CTR9: variants seen among roughly 807,000 people sequenced by gnomAD.
The protein encoded by CTR9 is CTR9 component of Paf1/RNA polymerase II complex.
CTR9 carries 41 observed loss-of-function variants against 152.1 expected under a neutral mutation model. The ratio of observed to expected loss-of-function variants is 0.27; its 90% CI spans 0.21 to 0.35. The LOEUF (loss-of-function observed/expected upper bound fraction) is 0.35. Among genes scored for constraint, CTR9 ranks in the 10% least tolerant of loss-of-function variants. CTR9 has a pLI of 1.00. For missense variants in CTR9, 917 were observed against 1,424.4 expected (o/e 0.64, Z 5.73); for synonymous variants, 476 against 496.2 (o/e 0.96, Z 0.54).
At chr11:10,768,925 G>T (rs565162071) in intron 16 of CTR9, among the ~76,000 whole-genome samples, 27 of 152,248 alleles carry the variant, frequency 1.8e-4, no homozygotes, top group Non-Finnish European at 3.4e-4. Context: ...TTATTTAAAA[G>T]AAAACAGGCC....
At chr11:10,776,010 A>G (rs1160654558) in intron 24 of CTR9, among the ~76,000 whole-genome samples, 1 of 152,336 alleles carries the variant, frequency 6.6e-6, no homozygotes, top group East Asian at 1.9e-4. Context: ...CTGTTGACAC[A>G]CTAAAAGTGT....
rs1467244856 is a variant in CTR9 at position 10,770,345 on chromosome 11, A to G, written c.2226+19A>G. 5 of 1,600,882 alleles carry G rather than the reference A, an allele frequency of 3.1e-6. No homozygotes were observed. Among genetic ancestry groups the G allele is most frequent in the Middle Eastern group, 1.7e-4 (1 of 6,030 alleles). On this transcript the variant is annotated intron_variant, in intron 17 of 24. Transcript: ENST00000361367. ...GCTGAAGGTAAAAAGGAGAGATGTTATTCCCATCCATTTCTGTGCTACATT... is the reference window on the plus strand; with the variant it reads ...GCTGAAGGTAAAAAGGAGAGATGTTGTTCCCATCCATTTCTGTGCTACATT...
Position 10,751,295 on chromosome 11 carries a change from G to A in CTR9, c.-118G>A, listed in dbSNP as rs947842578. On this transcript the variant is annotated 5_prime_UTR_variant, in exon 1 of 25. Transcript: ENST00000361367. ...GAGAAGCCAGAGCTCCAGCGGCGCC[G>A]CGGGGCGGCAGTCAAGACCAGAGCC... 121 of 1,082,272 alleles carry A rather than the reference G, an allele frequency of 1.1e-4. No individual in the cohort carries two copies. Among genetic ancestry groups the A allele is most frequent in the Non-Finnish European group, 1.5e-4 (109 of 722,626 alleles). 67.0% of individuals were successfully genotyped at this position (1,082,272 alleles called of 1,614,324 possible). A position where few individuals can be genotyped will look rare whatever the true frequency, so the allele number is the denominator to read the frequency against.
chr11:10,758,491 C>G (rs893813781), intron 5 of CTR9, among the ~76,000 whole-genome samples: 2 of 152,108 alleles, frequency 1.3e-5, no homozygotes, highest in African/African-American at 4.8e-5. Context: ...AAGATAACTC[C>G]CTTGCACAAG....
chr11:10,762,383 C>T (rs549938557), intron 7 of CTR9, among the ~76,000 whole-genome samples: 1 of 152,270 alleles, frequency 6.6e-6, no homozygotes, highest in East Asian at 1.9e-4. Context: ...AAGGTATCTA[C>T]TCATTTATGG....
At position 10,772,556 on chromosome 11, in the gene CTR9, T is replaced by C. The variant is rs747831839; in HGVS notation, c.2481T>C (p.His827=). The stretch of plus-strand genomic sequence containing the variant: ...ACTTACTGAGCCAGGCCCAGTACCA[T>C]GTGGCCCGGGCACGCAAACAAGATG... ...CSDLLSQAQY[H]VARARKQDEE... is the part of the protein sequence containing the mutation. The change falls in exon 20 of 25, where the codon CAT becomes CAC. Residue 827 remains histidine (H), a synonymous_variant. Coordinates refer to ENST00000361367, the MANE Select transcript of CTR9 (RefSeq NM_014633.5). The C allele has an allele frequency of 3.9e-5, 63 of 1,608,860 alleles. No individual in the cohort carries two copies. The highest frequency in any genetic ancestry group is 4.2e-6 in the Non-Finnish European group (5 of 1,177,704).
rs779845463 is a variant in CTR9, at chr11:10,760,165, T to A, written c.593-8T>A. On this transcript the variant is annotated splice_polypyrimidine_tract_variant and splice_region_variant and intron_variant, in intron 5 of 24. Transcript: ENST00000361367. ...TAGTTTGATAGATTGAATGACTTCA[T>A]TTTATAGCGGAAGTTCGTTTAGGAA... The A allele has an allele frequency of 3.2e-5, 51 of 1,612,398 alleles. No individual in the cohort carries two copies. The highest frequency in any genetic ancestry group is 6.7e-5 in the Admixed American group (4 of 59,828).
In CTR9 at chr11:10,779,035, C is replaced by G; in HGVS notation, c.3452C>G (p.Ser1151Trp). Residue 1151 changes from serine to tryptophan, a missense_variant, in exon 25 of 25, where the codon TCG becomes TGG. Ser to Trp is a radical substitution (Grantham distance 177). Transcript: ENST00000361367. ...EGSGQGSGNE[S>W]EPEGSNNEAS... ...TCTGGCCAAGGCTCTGGAAATGAAT[C>G]GGAACCAGAGGGATCCAACAATGAG... The G allele has an allele frequency of 1.2e-6, 2 of 1,614,094 alleles. No homozygotes were observed. The highest frequency in any genetic ancestry group is 1.1e-5 in the South Asian group (1 of 91,076).
Position 10,773,166 on chromosome 11 carries a change from C to T in CTR9, c.2620C>T (p.Leu874Phe). 6.2e-7 allele frequency: 1 copy of T among 1,610,578 alleles called. No individual in the cohort carries two copies. The highest frequency in any genetic ancestry group is 8.5e-7 in the Non-Finnish European group (1 of 1,179,292). ...RLREKEEQKK[L>F]LEQRAQYVEK... The stretch of plus-strand genomic sequence containing the variant: ...CAGAGAAAAGGAAGAGCAAAAGAAA[C>T]TTTTGGAACAGCGGGCCCAGTATGT... Residue 874 changes from leucine (L) to phenylalanine (F), a missense_variant, in exon 21 of 25, where the codon CTT becomes TTT. By Grantham distance (22) the Leu-to-Phe change is conservative. Coordinates refer to ENST00000361367, the MANE Select transcript of CTR9 (RefSeq NM_014633.5).
chr11:10,766,078 G>A (rs2135372519), intron 12 of CTR9, among the ~76,000 whole-genome samples: 1 of 152,258 alleles, frequency 6.6e-6, no homozygotes, highest in Non-Finnish European at 1.5e-5. Flanking sequence ...AACTGACAAT[G>A]GTGTGCATTG....
intron 12 of CTR9, among the ~76,000 whole-genome samples, chr11:10,766,064 AG>A (rs989464550): frequency 2.0e-5 from 3 of 152,212 alleles, no homozygotes; most frequent in Admixed American, 2.0e-4. Flanking sequence ...TTTTAAAAAA[AG>A]GTAACTGACA....
chr11:10,778,260 G>A (rs944554659), intron 24 of CTR9, among the ~76,000 whole-genome samples: 2 of 152,090 alleles, frequency 1.3e-5, no homozygotes, highest in Non-Finnish European at 2.9e-5. Context: ...TTTGGAAAAG[G>A]GTTAATTCTT....
In CTR9 at chr11:10,769,410, A is replaced by C. The variant is rs76840370; in HGVS notation, c.2110-800A>C. 1.8e-3 allele frequency among the ~76,000 whole-genome samples: 279 copies of C among 152,252 alleles called. 6 individuals are homozygous for C. Among genetic ancestry groups the C allele is most frequent in the African/African-American group, 6.3e-3 (263 of 41,556 alleles). On this transcript the variant is annotated intron_variant, in intron 16 of 24. Coordinates refer to ENST00000361367, the MANE Select transcript of CTR9 (RefSeq NM_014633.5). ...TGGTCAGAAAGGAAAAGCTTACAAA[A>C]AGTAGACAAAAAGAGCAGTCCAGGC...
chr11:10,770,420 A>G (rs1863125512), intron 17 of CTR9, 67 bp from the exon 18 acceptor site: 1 of 1,585,790 alleles, frequency 6.3e-7, no homozygotes, highest in East Asian at 2.2e-5. Context: ...CTACTTAATA[A>G]TACTCTGCTG....
intron 16 of CTR9, among the ~76,000 whole-genome samples, chr11:10,769,572 G>T (rs1590024508): frequency 6.6e-6 from 1 of 152,040 alleles, no homozygotes. Context: ...TTGTGAGGCT[G>T]GCCTTCCTGA....
intron 22 of CTR9, among the ~76,000 whole-genome samples, chr11:10,774,644 G>A (rs1863201795): frequency 6.6e-6 from 1 of 152,200 alleles, no homozygotes; most frequent in Non-Finnish European, 1.5e-5. Flanking sequence ...GATCAAGGAT[G>A]CCCTACCCAT....
In CTR9 at chr11:10,778,823, G is replaced by T. The variant is rs749014118; in HGVS notation, c.3240G>T (p.Arg1080=). The change falls in exon 25 of 25, where the codon CGG becomes CGT. Residue 1080 remains arginine, a synonymous_variant. Coordinates refer to ENST00000361367, the MANE Select transcript of CTR9 (RefSeq NM_014633.5). ...GTCCCCGGAGGCCACGAAGACAGCG[G>T]TCAGATCAGGACTCAGACAGTGACC... ...AGSPRRPRRQ[R]SDQDSDSDQP... is the part of the protein sequence containing the mutation. 6.2e-7 allele frequency: 1 copy of T among 1,614,242 alleles called. No individual in the cohort carries two copies. Among genetic ancestry groups the T allele is most frequent in the Non-Finnish European group, 8.5e-7 (1 of 1,180,044 alleles).
intron 4 of CTR9, 100 bp downstream of exon 4, chr11:10,755,895 A>G (rs1320954224): frequency 4.8e-6 from 3 of 629,948 alleles, no homozygotes; most frequent in Non-Finnish European, 8.5e-6. Flanking sequence ...GCTAGACAGC[A>G]AAGTAGAAGA....
At chr11:10,771,207 T>A (rs2135379690) in intron 18 of CTR9, among the ~76,000 whole-genome samples, 1 of 152,354 alleles carries the variant, frequency 6.6e-6, no homozygotes, top group African/African-American at 2.4e-5. Flanking sequence ...TTTTTATTCT[T>A]GTTTAACAAT....
Sources: allele counts gnomAD v4.1 joint callset (sites outside exome capture counted in the v4.1 genomes callset), GRCh38; gene constraint gnomAD v4.1.1; transcripts MANE v1.5; gene names NCBI Gene and HGNC (gene_info 2026-07-23, HGNC 2026-07-21).